The following EPHB1 variants were observed in gnomAD, a reference collection of about 807,000 sequenced individuals.
EPHB1 encodes the protein ephrin type-B receptor 1.
EPHB1 carries 30 observed loss-of-function variants against 94.4 expected under a neutral mutation model. That is an observed-to-expected ratio of 0.32 (90% CI 0.24 to 0.43). The LOEUF (loss-of-function observed/expected upper bound fraction) is 0.43. EPHB1 is among the 20% of genes least tolerant of loss of function. EPHB1 has a pLI of 1.00. For synonymous variants in EPHB1, 522 were observed against 489.1 expected (o/e 1.07, Z -0.89); for missense variants, 1,055 against 1,308.3 (o/e 0.81, Z 2.99).
intron 1 of EPHB1, among the ~76,000 whole-genome samples, chr3:134,906,184 T>C (rs1236798209): frequency 6.6e-6 from 1 of 152,234 alleles, no homozygotes; most frequent in East Asian, 1.9e-4. Context: ...TTTCCCTTTA[T>C]ACCCCTTTGG....
At chr3:134,919,403 T>C (rs904442095) in intron 1 of EPHB1, among the ~76,000 whole-genome samples, 2 of 152,184 alleles carry the variant, frequency 1.3e-5, no homozygotes, top group Non-Finnish European at 2.9e-5. Context: ...CACAGGCTGG[T>C]GCCCTTAACA....
intron 3 of EPHB1, among the ~76,000 whole-genome samples, chr3:135,089,069 G>A (rs1938468591): frequency 6.6e-6 from 1 of 152,230 alleles, no homozygotes; most frequent in Admixed American, 6.5e-5. Flanking sequence ...AAGTAGTAGA[G>A]TCTGTAACTG....
At chr3:135,069,446 G>A (rs147289805) in intron 3 of EPHB1, among the ~76,000 whole-genome samples, 6 of 152,176 alleles carry the variant, frequency 3.9e-5, no homozygotes, top group Non-Finnish European at 8.8e-5. Context: ...AAGACTTACC[G>A]TAGTAGTAGG....
chr3:134,989,539 A>G (rs552855329), intron 3 of EPHB1, among the ~76,000 whole-genome samples: 153 of 152,126 alleles, frequency 1.0e-3, no homozygotes, highest in Non-Finnish European at 2.0e-3. Context: ...GAATGACTCA[A>G]AATAATCCAG....
At chr3:135,031,741 G>C (rs1419665061) in intron 3 of EPHB1, among the ~76,000 whole-genome samples, 1 of 152,160 alleles carries the variant, frequency 6.6e-6, no homozygotes, top group African/African-American at 2.4e-5. Flanking sequence ...AGATAGTTCA[G>C]ATGATCTCCC....
chr3:134,925,505 G>A (rs977018280), intron 1 of EPHB1, among the ~76,000 whole-genome samples: 8 of 152,220 alleles, frequency 5.3e-5, no homozygotes, highest in African/African-American at 1.4e-4. Context: ...GGGTCTTGGC[G>A]GTAAAGTAGT....
chr3:134,828,875 GA>G (rs1328153729), intron 1 of EPHB1, among the ~76,000 whole-genome samples: 1 of 152,186 alleles, frequency 6.6e-6, no homozygotes, highest in Non-Finnish European at 1.5e-5. Context: ...GCCACCCCAA[GA>G]TTTCCTGTAT....
intron 9 of EPHB1, among the ~76,000 whole-genome samples, chr3:135,177,388 T>C (rs1942011568): frequency 6.6e-6 from 1 of 152,226 alleles, no homozygotes; most frequent in Non-Finnish European, 1.5e-5. Flanking sequence ...GGCTTCCACC[T>C]GTGGCATCAG....
intron 1 of EPHB1, among the ~76,000 whole-genome samples, chr3:134,829,454 C>T (rs115144652): frequency 0.016 from 2,474 of 152,218 alleles, 32 homozygotes; most frequent in Non-Finnish European, 0.025. Flanking sequence ...TAGAACCCTG[C>T]GTCTCTGAGA....
chr3:135,243,180 G>A (rs1307209083), intron 13 of EPHB1, among the ~76,000 whole-genome samples: 1 of 151,650 alleles, frequency 6.6e-6, no homozygotes, highest in Non-Finnish European at 1.5e-5. Context: ...CTTACAGAAT[G>A]AATTACAAAA....
intron 2 of EPHB1, among the ~76,000 whole-genome samples, chr3:134,947,289 T>C (rs1161406224): frequency 6.6e-6 from 1 of 152,172 alleles, no homozygotes; most frequent in Non-Finnish European, 1.5e-5. Flanking sequence ...TCTACCCTCA[T>C]CTCGATTAAC....
In EPHB1 at chr3:135,249,490, G is replaced by GAGTA. The variant is rs1932973513; in HGVS notation, c.2846+3_2846+6dup. The GAGTA allele has an allele frequency of 2.5e-6, 4 of 1,613,078 alleles. No homozygotes were observed. Among genetic ancestry groups the GAGTA allele is most frequent in the Non-Finnish European group, 8.5e-7 (1 of 1,179,424 alleles). ...CCAGCTGGTCACCCAGATGACATCA[G>GAGTA]AGTAAGTGATGAGAATCTCTCTGTC... is the stretch of plus-strand genomic sequence containing the variant. On this transcript the variant is annotated stop_gained and frameshift_variant and splice_region_variant, in exon 15 of 16. Coordinates refer to ENST00000398015, the MANE Select transcript of EPHB1 (RefSeq NM_004441.5). LOFTEE classifies it high-confidence loss of function.
At chr3:135,041,256 C>T (rs1936834468) in intron 3 of EPHB1, among the ~76,000 whole-genome samples, 1 of 152,126 alleles carries the variant, frequency 6.6e-6, no homozygotes, top group Non-Finnish European at 1.5e-5. Context: ...GCTTTCAACC[C>T]CCCAGCCTTC....
rs1397895740 is a variant in EPHB1, at chr3:135,225,091, T to G, written c.2347-16057T>G. On this transcript the variant is annotated intron_variant, in intron 12 of 15. Coordinates refer to ENST00000398015, the MANE Select transcript of EPHB1 (RefSeq NM_004441.5). The stretch of plus-strand genomic sequence containing the variant: ...CAAGCTCCTCTCTGCTCCACTGATT[T>G]GCTGGCTGTTTAATTTCTGTTTCTG... Among the ~76,000 whole-genome samples the G allele has an allele frequency of 2.6e-5, 4 of 152,158 alleles. No individual in the cohort carries two copies. In the East Asian group the frequency reaches 7.7e-4, roughly 29 times the overall value.
chr3:135,083,107 A>T (rs1326864324), intron 3 of EPHB1, among the ~76,000 whole-genome samples: 4 of 152,018 alleles, frequency 2.6e-5, no homozygotes, highest in Non-Finnish European at 5.9e-5. Flanking sequence ...GGAATTCTAG[A>T]TGGTATTTGG....
chr3:135,061,368 AC>A (rs34282243), intron 3 of EPHB1, among the ~76,000 whole-genome samples: 3 of 111,432 alleles, frequency 2.7e-5, no homozygotes, highest in African/African-American at 6.4e-5. Flanking sequence ...AGGAATGACC[AC>A]CCCCCCCGAC....
chr3:134,895,119 A>G (rs1329022045), intron 1 of EPHB1, among the ~76,000 whole-genome samples: 1 of 152,240 alleles, frequency 6.6e-6, no homozygotes, highest in Admixed American at 6.5e-5. Context: ...TGTGATTTAT[A>G]CAAAATTAAT....
chr3:135,023,126 A>G (rs1313260757), intron 3 of EPHB1, among the ~76,000 whole-genome samples: 2 of 152,234 alleles, frequency 1.3e-5, no homozygotes, highest in East Asian at 3.8e-4. Flanking sequence ...ATTCTTGTTG[A>G]TTTTTAAAAG....
intron 1 of EPHB1, among the ~76,000 whole-genome samples, chr3:134,847,231 C>T (rs1370812201): frequency 6.6e-6 from 1 of 152,054 alleles, no homozygotes; most frequent in East Asian, 1.9e-4. Flanking sequence ...TGGACAGCAG[C>T]AGGGCAAGGC....
Sources: allele counts gnomAD v4.1 joint callset (sites outside exome capture counted in the v4.1 genomes callset), GRCh38; gene constraint gnomAD v4.1.1; transcripts MANE v1.5; gene names NCBI Gene and HGNC (gene_info 2026-07-23, HGNC 2026-07-21).